Variants in H2AC8 observed in about 807,000 individuals in gnomAD.
H2AC8 encodes histone H2A type 1-B/E.
A neutral mutation model predicts 6.3 loss-of-function variants in H2AC8; 9 were observed. That is an observed-to-expected ratio of 1.43 (90% confidence interval 0.86 to 2.49). The LOEUF (loss-of-function observed/expected upper bound fraction) is 2.49. Ranked by LOEUF, H2AC8 falls within the 30% of genes most tolerant of loss-of-function variation. H2AC8 has a pLI of 0.00. For missense variants in H2AC8, 141 were observed against 177.5 expected, an observed-to-expected ratio of 0.79 and a Z score of 1.17; for synonymous variants, 176 against 79.6, an observed-to-expected ratio of 2.21 and a Z score of -6.45.
exon 1 of H2AC8, chr6:26,217,134 G>C (rs1765429245): frequency 6.2e-7 from 1 of 1,614,088 alleles, no homozygotes; most frequent in Non-Finnish European, 8.5e-7. Flanking sequence ...GTACCTGGCA[G>C]CGGTGCTGGA....
exon 1 of H2AC8, chr6:26,217,042 G>A: frequency 1.9e-6 from 3 of 1,614,192 alleles, no homozygotes; most frequent in Non-Finnish European, 2.5e-6. Context: ...TCCAGGGCCG[G>A]TCTTCAGTTT....
exon 1 of H2AC8, chr6:26,217,106 C>T (rs765896361): frequency 5.0e-6 from 8 of 1,614,068 alleles, no homozygotes; most frequent in African/African-American, 1.3e-5. Flanking sequence ...CCGAACGAGT[C>T]GGGGCCGGCG....
exon 1 of H2AC8, chr6:26,217,371 G>A (rs745576068): frequency 6.2e-7 from 1 of 1,610,902 alleles, no homozygotes; most frequent in South Asian, 1.1e-5. Flanking sequence ...CAAGTGAAAT[G>A]ATTACTAGTC....
At chr6:26,217,410 A>C in exon 1 of H2AC8, 1 of 1,589,472 alleles carries the variant, frequency 6.3e-7, no homozygotes, top group Non-Finnish European at 8.6e-7. Context: ...GAGTCCCAGA[A>C]ACCAAAGGCT....
At chr6:26,217,377 T>C (rs747907488) in exon 1 of H2AC8, 2 of 1,603,706 alleles carry the variant, frequency 1.2e-6, no homozygotes, top group South Asian at 1.1e-5. Flanking sequence ...AAATGATTAC[T>C]AGTCAAATCC....
In H2AC8 at chr6:26,217,043, T is replaced by C. The variant is rs747513260; in HGVS notation, c.69T>C (p.Gly23=). 3 of 1,613,980 alleles carry C rather than the reference T, an allele frequency of 1.9e-6. No homozygotes were observed. The African/African-American group carries it at 4.0e-5, about 22-fold the overall frequency. ...CTAAAACGCGTTCTTCCAGGGCCGG[T>C]CTTCAGTTTCCAGTTGGCCGTGTGC... The change falls in exon 1 of 1, where the codon GGT becomes GGC. Residue 23 remains glycine, a synonymous_variant. Transcript: ENST00000303910.
exon 1 of H2AC8, chr6:26,217,421 C>G: frequency 6.4e-7 from 1 of 1,566,624 alleles, no homozygotes; most frequent in Non-Finnish European, 8.7e-7. Flanking sequence ...ACCAAAGGCT[C>G]TTTTCAGAGC....
exon 1 of H2AC8, chr6:26,217,124 G>C (rs371194768): frequency 9.9e-5 from 159 of 1,614,076 alleles, no homozygotes; most frequent in Non-Finnish European, 1.3e-4. Context: ...GCGCTCCAGT[G>C]TACCTGGCAG....
chr6:26,217,205 C>T lies in H2AC8; in HGVS notation c.231C>T (p.Thr77=), dbSNP rs529624501. 103 of 1,614,200 alleles carry T rather than the reference C, an allele frequency of 6.4e-5. 3 individuals carry two copies. In the South Asian group the frequency reaches 9.1e-4, roughly 14 times the overall value. ...ACGCGGCTCGCGACAATAAGAAGAC[C>T]CGCATCATCCCGCGCCACCTGCAGC... Residue 77 remains threonine, a synonymous_variant, in exon 1 of 1, where the codon ACC becomes ACT. Transcript: ENST00000303910.
chr6:26,217,277 G>T (rs1475649865), exon 1 of H2AC8: 1 of 1,614,230 alleles, frequency 6.2e-7, no homozygotes, highest in Non-Finnish European at 8.5e-7. Flanking sequence ...TAGGTCGCGT[G>T]ACCATCGCGC....
exon 1 of H2AC8, chr6:26,217,406 C>T (rs753344841): frequency 1.9e-6 from 3 of 1,592,236 alleles, no homozygotes; most frequent in South Asian, 2.3e-5. Flanking sequence ...TCCCGAGTCC[C>T]AGAAACCAAA....
exon 1 of H2AC8, chr6:26,217,133 A>G: frequency 6.2e-7 from 1 of 1,614,196 alleles, no homozygotes; most frequent in East Asian, 2.2e-5. Flanking sequence ...TGTACCTGGC[A>G]GCGGTGCTGG....
chr6:26,217,316 C>T (rs185778907), exon 1 of H2AC8: 104 of 1,614,148 alleles, frequency 6.4e-5, no homozygotes, highest in Non-Finnish European at 8.4e-5. Context: ...ACATCCAGGC[C>T]GTATTGCTGC....
chr6:26,217,342 G>GC lies in H2AC8; in HGVS notation c.370dup (p.His124ProfsTer3). On this transcript the variant is annotated frameshift_variant, in exon 1 of 1. Coordinates refer to ENST00000303910, the Ensembl canonical transcript of H2AC8. LOFTEE classifies it high-confidence loss of function. ...GTATTGCTGCCTAAGAAGACGGAGA[G>GC]CCACCATAAGGCCAAGGGCAAGTGA... 1 of 1,614,112 alleles carries GC rather than the reference G, an allele frequency of 6.2e-7. No individual in the cohort carries two copies. Among genetic ancestry groups the GC allele is most frequent in the Non-Finnish European group, 8.5e-7 (1 of 1,180,020 alleles).
In H2AC8 at chr6:26,217,357, A is replaced by G. The variant is rs1035295086; in HGVS notation, c.383A>G (p.Lys128Arg). 3.7e-6 allele frequency: 6 copies of G among 1,612,542 alleles called. No homozygotes were observed. In the Admixed American group the frequency reaches 5.1e-5, roughly 14 times the overall value. Residue 128 changes from lysine (K) to arginine (R), a missense_variant, in exon 1 of 1, where the codon AAG (lysine) becomes AGG (arginine). By Grantham distance (26) the Lys-to-Arg change is conservative. Transcript: ENST00000303910. ...AAGACGGAGAGCCACCATAAGGCCA[A>G]GGGCAAGTGAAATGATTACTAGTCA...
chr6:26,216,943 A>G (rs370283430), upstream of H2AC8: 81 of 1,611,632 alleles, frequency 5.0e-5, no homozygotes, highest in Middle Eastern at 1.7e-4. Context: ...TATTCAGTGG[A>G]TTGTTAGTTC....
chr6:26,217,017 G>T (rs756106574), exon 1 of H2AC8: 1 of 1,614,200 alleles, frequency 6.2e-7, no homozygotes, highest in Admixed American at 1.7e-5. Flanking sequence ...TCGGGCAAAA[G>T]CTAAAACGCG....
exon 1 of H2AC8, chr6:26,217,178 C>T (rs377551194): frequency 6.2e-7 from 1 of 1,614,200 alleles, no homozygotes; most frequent in Non-Finnish European, 8.5e-7. Context: ...AGCTAGCTGG[C>T]AACGCGGCTC....
chr6:26,216,974 T>C (rs748206826), upstream of H2AC8: 4 of 1,613,976 alleles, frequency 2.5e-6, no homozygotes, highest in Admixed American at 1.7e-5. Flanking sequence ...AGGAAGCCAC[T>C]ATGTCTGGAC....
Sources: allele counts gnomAD v4.1 joint callset, GRCh38; gene constraint gnomAD v4.1.1; transcripts MANE v1.5; gene names NCBI Gene and HGNC (gene_info 2026-07-23, HGNC 2026-07-21).